RBFOX1: variants seen among roughly 807,000 people sequenced by gnomAD.
The protein encoded by RBFOX1 is RNA binding protein fox-1 homolog 1.
In RBFOX1, 8 loss-of-function variants were observed where a neutral mutation model predicts 57.7. The ratio of observed to expected loss-of-function variants is 0.14; its 90% CI spans 0.08 to 0.25. RBFOX1 has a LOEUF of 0.25. Among genes scored for constraint, RBFOX1 ranks in the 10% least tolerant of loss-of-function variants. The probability of loss-of-function intolerance (pLI) is 1.00; values close to 1 mark genes in which losing one functional copy is unlikely to be tolerated. For synonymous variants in RBFOX1, 326 were observed against 222.4 expected (o/e 1.47, Z -4.15); for missense variants, 611 against 548.5 (o/e 1.11, Z -1.14).
chr16:5,595,396 C>T (rs1034786315), intron 2 of RBFOX1, among the ~76,000 whole-genome samples: 10 of 152,204 alleles, frequency 6.6e-5, no homozygotes, highest in Non-Finnish European at 8.8e-5. Flanking sequence ...TAAACTGAGG[C>T]GCAAGAGGGC....
chr16:6,519,031 A>G (rs952406065), intron 2 of RBFOX1, among the ~76,000 whole-genome samples: 1 of 151,904 alleles, frequency 6.6e-6, no homozygotes, highest in African/African-American at 2.4e-5. Context: ...TGAGAAGATA[A>G]ACACTTAATT....
chr16:5,792,896 T>G (rs2054749199), intron 3 of RBFOX1, among the ~76,000 whole-genome samples: 1 of 152,012 alleles, frequency 6.6e-6, no homozygotes, highest in Non-Finnish European at 1.5e-5. Flanking sequence ...TAAGTAGAAG[T>G]GGATTATTTT....
At chr16:7,023,485 A>G (rs78673597) in intron 3 of RBFOX1, among the ~76,000 whole-genome samples, 5,342 of 141,638 alleles carry the variant, frequency 0.038, 230 homozygotes, top group East Asian at 0.21. Flanking sequence ...GAAATGAATG[A>G]TGGGCTTGAG....
chr16:7,680,619 T>C (rs2074489701), intron 14 of RBFOX1, among the ~76,000 whole-genome samples: 3 of 152,154 alleles, frequency 2.0e-5, no homozygotes, highest in Admixed American at 2.0e-4. Context: ...GCCAAGAAGC[T>C]TTTGACATTA....
chr16:6,161,669 G>T (rs752520843), intron 1 of RBFOX1, among the ~76,000 whole-genome samples: 1 of 152,204 alleles, frequency 6.6e-6, no homozygotes, highest in Non-Finnish European at 1.5e-5. Flanking sequence ...CTTTGAAAGA[G>T]CTGGAGCTGA....
At chr16:6,638,352 A>G (rs887246241) in intron 2 of RBFOX1, among the ~76,000 whole-genome samples, 5 of 152,184 alleles carry the variant, frequency 3.3e-5, no homozygotes, top group African/African-American at 7.2e-5. Context: ...GCAAAAGAAC[A>G]TACATGTTCA....
chr16:6,991,149 A>AC (rs2091367618), intron 3 of RBFOX1, among the ~76,000 whole-genome samples: 1 of 147,292 alleles, frequency 6.8e-6, no homozygotes, highest in Non-Finnish European at 1.5e-5. Flanking sequence ...AAAAAAAAAA[A>AC]AAAAAAAAAA....
At chr16:5,538,963 C>T (rs1047371400) in intron 2 of RBFOX1, among the ~76,000 whole-genome samples, 27 of 152,070 alleles carry the variant, frequency 1.8e-4, no homozygotes, top group African/African-American at 5.6e-4. Flanking sequence ...CAAAGCCAAT[C>T]GTGTGAAACC....
At chr16:6,861,396 A>G (rs948568772) in intron 3 of RBFOX1, among the ~76,000 whole-genome samples, 63 of 152,234 alleles carry the variant, frequency 4.1e-4, no homozygotes, top group African/African-American at 1.5e-3. Context: ...GGACCAGTCA[A>G]GCAGTTCCCT....
intron 3 of RBFOX1, among the ~76,000 whole-genome samples, chr16:5,864,535 A>G (rs1297878366): frequency 1.7e-5 from 2 of 119,936 alleles, no homozygotes; most frequent in Non-Finnish European, 3.3e-5. Context: ...TGGATGATGT[A>G]TACATACTTG....
intron 2 of RBFOX1, among the ~76,000 whole-genome samples, chr16:6,529,747 A>G (rs1387617710): frequency 1.3e-5 from 2 of 152,154 alleles, no homozygotes; most frequent in African/African-American, 4.8e-5. Context: ...GAAGGTGTTT[A>G]AAGTTCTACA....
chr16:7,456,561 G>T (rs562381031), intron 4 of RBFOX1, among the ~76,000 whole-genome samples: 1 of 152,296 alleles, frequency 6.6e-6, no homozygotes, highest in East Asian at 1.9e-4. Flanking sequence ...GTGTAATTTG[G>T]TCTCAGCAGT....
intron 1 of RBFOX1, among the ~76,000 whole-genome samples, chr16:5,249,434 A>T (rs1218236305): frequency 6.6e-6 from 1 of 152,160 alleles, no homozygotes; most frequent in African/African-American, 2.4e-5. Flanking sequence ...CTTAAGTTGC[A>T]AGGTGTAGGT....
chr16:7,317,652 A>C (rs1423070104), intron 4 of RBFOX1, among the ~76,000 whole-genome samples: 2 of 152,196 alleles, frequency 1.3e-5, no homozygotes, highest in African/African-American at 2.4e-5. Context: ...TCCACTGAGC[A>C]GTACCTCCAC....
At chr16:6,542,650 T>C (rs1243416760) in intron 2 of RBFOX1, among the ~76,000 whole-genome samples, 1 of 151,754 alleles carries the variant, frequency 6.6e-6, no homozygotes, top group East Asian at 1.9e-4. Context: ...CCACCATGCC[T>C]GGCGGCTAAT....
chr16:5,648,990 G>T (rs867924719), intron 3 of RBFOX1, among the ~76,000 whole-genome samples: 10 of 152,008 alleles, frequency 6.6e-5, no homozygotes, highest in Middle Eastern at 3.4e-3. Flanking sequence ...CTTGAACCTA[G>T]GAGGTGGAGG....
At chr16:7,160,610 A>T (rs1432568638) in intron 4 of RBFOX1, among the ~76,000 whole-genome samples, 2 of 152,146 alleles carry the variant, frequency 1.3e-5, no homozygotes, top group African/African-American at 4.8e-5. Context: ...CAATTATTTT[A>T]TGGCTTTCTT....
chr16:6,237,586 A>T (rs2097515080), intron 1 of RBFOX1, among the ~76,000 whole-genome samples: 1 of 152,048 alleles, frequency 6.6e-6, no homozygotes, highest in Non-Finnish European at 1.5e-5. Context: ...TACTAAAAAT[A>T]CAAAAATTAG....
intron 1 of RBFOX1, among the ~76,000 whole-genome samples, chr16:5,429,168 C>T (rs971065297): frequency 2.0e-5 from 3 of 152,150 alleles, no homozygotes; most frequent in African/African-American, 7.2e-5. Flanking sequence ...TCTGTTAAGT[C>T]CCTTCCAGCC....
Sources: gnomAD v4.1 joint callset for allele counts (sites outside exome capture counted in the v4.1 genomes callset) on GRCh38, gnomAD v4.1.1 for gene constraint, MANE v1.5 for transcripts, NCBI Gene and HGNC (gene_info 2026-07-23, HGNC 2026-07-21) for gene names.